TSTD2: variants seen among roughly 807,000 people sequenced by gnomAD.
TSTD2 encodes thiosulfate sulfurtransferase/rhodanese-like domain-containing protein 2.
TSTD2 carries 37 observed loss-of-function variants against 47.9 expected under a neutral mutation model. The ratio of observed to expected loss-of-function variants is 0.77; its 90% CI spans 0.59 to 1.02. TSTD2 has a LOEUF of 1.02. Ranked by LOEUF, TSTD2 falls within the 50% of genes least tolerant of loss-of-function variation. The pLI is 0.00. For missense variants in TSTD2, 586 were observed against 616.0 expected (o/e 0.95, Z 0.52); for synonymous variants, 201 against 215.9 (o/e 0.93, Z 0.61).
chr9:97,627,660 T>G, intron 1 of TSTD2, 48 bp from the exon 2 acceptor site: 1 of 1,264,582 alleles, frequency 7.9e-7, no homozygotes, highest in East Asian at 2.4e-5. Flanking sequence ...TTTGATTTCT[T>G]GAAGAAAATA....
chr9:97,610,145 G>C (rs1047733194), intron 6 of TSTD2: 1 of 420,548 alleles, frequency 2.4e-6, no homozygotes, highest in African/African-American at 2.1e-5. Context: ...AATAAGATAG[G>C]TCACTCGAAG....
At position 97,600,171 on chromosome 9, in the gene TSTD2, G is replaced by C. The variant is rs1330268142; in HGVS notation, c.*2298C>G. Reference sequence around the variant, plus strand: ...TATCATTCTTTATTAACCCTCCTTGGAATTTTGAAAACCTCGATTAAAGTT... The same window carrying C: ...TATCATTCTTTATTAACCCTCCTTGCAATTTTGAAAACCTCGATTAAAGTT... On this transcript the variant is annotated 3_prime_UTR_variant, in exon 10 of 10. Coordinates refer to ENST00000341170, the MANE Select transcript of TSTD2 (RefSeq NM_139246.5). 1.4e-5 allele frequency: 14 copies of C among 995,384 alleles called. No individual in the cohort carries two copies. The highest frequency in any genetic ancestry group is 1.6e-5 in the Non-Finnish European group (13 of 834,894). The allele number at this position is 995,384 out of a possible 1,614,324, so 61.7% of individuals were successfully genotyped here. A position where few individuals can be genotyped will look rare whatever the true frequency, so the allele number is the denominator to read the frequency against.
At chr9:97,623,632 G>A (rs1826673815) in intron 3 of TSTD2, among the ~76,000 whole-genome samples, 1 of 152,212 alleles carries the variant, frequency 6.6e-6, no homozygotes, top group Admixed American at 6.5e-5. Flanking sequence ...GCCAAGGTGA[G>A]CAGATCACCT....
intron 2 of TSTD2, 113 bp downstream of exon 2, chr9:97,627,285 A>C: frequency 2.8e-6 from 4 of 1,443,478 alleles, no homozygotes; most frequent in Non-Finnish European, 2.7e-6. Context: ...TCACTGGTTA[A>C]TGTTCCTGAC....
chr9:97,627,762 C>T (rs192224065), intron 1 of TSTD2, 150 bp from the exon 2 acceptor site: 15 of 504,426 alleles, frequency 3.0e-5, no homozygotes, highest in East Asian at 9.3e-5. Context: ...TACTTAGGAA[C>T]GACTCGAAGT....
chr9:97,623,800 T>C (rs1373795147), intron 3 of TSTD2, among the ~76,000 whole-genome samples: 1 of 151,876 alleles, frequency 6.6e-6, no homozygotes, highest in African/African-American at 2.4e-5. Context: ...GAGGTTGAAG[T>C]GAGCCAAGAT....
intron 8 of TSTD2, 72 bp from the exon 9 acceptor site, chr9:97,604,937 C>T (rs909215932): frequency 8.7e-5 from 138 of 1,579,762 alleles, no homozygotes; most frequent in Admixed American, 1.1e-4. Flanking sequence ...GGAAGAACGG[C>T]GCATGGCGAG....
intron 5 of TSTD2, 30 bp from the exon 6 acceptor site, chr9:97,610,481 G>A (rs1291062538): frequency 5.5e-6 from 8 of 1,465,962 alleles, no homozygotes; most frequent in Non-Finnish European, 6.4e-6. Flanking sequence ...ACAGAATACA[G>A]TCTTGCTGTC....
chr9:97,613,248 T>C (rs1826487524), intron 4 of TSTD2, among the ~76,000 whole-genome samples: 1 of 152,204 alleles, frequency 6.6e-6, no homozygotes, highest in Non-Finnish European at 1.5e-5. Flanking sequence ...GCTGAGGGTA[T>C]ACATGAGCAT....
chr9:97,602,621 C>T lies in TSTD2; in HGVS notation c.1399G>A (p.Val467Ile), dbSNP rs1457569070. 1.2e-6 allele frequency: 2 copies of T among 1,614,242 alleles called. No homozygotes were observed. The highest frequency in any genetic ancestry group is 3.3e-5 in the Admixed American group (2 of 60,036). ...AAGCTGTCTTGCATAGGGCCTGAAA[C>T]TTTCCTGCTCCCCTTGTCTTGACAT... ...VTCQDKGSRK[V>I]SGPMQDSFKE... Residue 467 changes from valine (V) to isoleucine (I), a missense_variant, in exon 10 of 10, where the codon GTT (valine) becomes ATT (isoleucine). Val to Ile is a conservative substitution (Grantham distance 29). Transcript: ENST00000341170.
Position 97,602,702 on chromosome 9 carries a change from G to A in TSTD2, c.1318C>T (p.Leu440Phe). The change falls in exon 10 of 10, where the codon CTC becomes TTC. Residue 440 changes from leucine to phenylalanine, a missense_variant. Coordinates refer to ENST00000341170, the MANE Select transcript of TSTD2 (RefSeq NM_139246.5). ...KLCSTPQCRQLVLTCPACQGQ... is the reference protein window; with the variant it reads ...KLCSTPQCRQFVLTCPACQGQ... ...TGACAGGCAGGGCAGGTCAAAACGA[G>A]CTGGCGGCACTGGGGAGTAGAGCAG... is the stretch of plus-strand genomic sequence containing the variant. 6.2e-7 allele frequency: 1 copy of A among 1,614,190 alleles called. No individual in the cohort carries two copies. Among genetic ancestry groups the A allele is most frequent in the Non-Finnish European group, 8.5e-7 (1 of 1,180,040 alleles).
chr9:97,612,528 T>A (rs1416594905), intron 4 of TSTD2, among the ~76,000 whole-genome samples: 2 of 152,242 alleles, frequency 1.3e-5, no homozygotes. Context: ...GACTTTTTAA[T>A]AACAGCCATT....
At chr9:97,625,622 T>A (rs1264779476) in intron 3 of TSTD2, 59 bp downstream of exon 3, 1 of 1,492,516 alleles carries the variant, frequency 6.7e-7, no homozygotes. Flanking sequence ...AATTGTAGTA[T>A]CTCATTGTGG....
In TSTD2 at chr9:97,611,622, C is replaced by G; in HGVS notation, c.681G>C (p.Met227Ile). ...KLATRLYVEVMLSFPLFKDDL... is the reference protein window; with the variant it reads ...KLATRLYVEVILSFPLFKDDL... ...CATCCTTAAACAATGGGAAGGAAAG[C>G]ATGACTTCCACATAAAGTCTGGTAG... is the stretch of plus-strand genomic sequence containing the variant. The change falls in exon 5 of 10, where the codon ATG becomes ATC. Residue 227 changes from methionine (M) to isoleucine (I), a missense_variant. By Grantham distance (10) the Met-to-Ile change is conservative. Coordinates refer to ENST00000341170, the MANE Select transcript of TSTD2 (RefSeq NM_139246.5). The G allele has an allele frequency of 1.9e-6, 3 of 1,610,528 alleles. No homozygotes were observed. The highest frequency in any genetic ancestry group is 2.5e-6 in the Non-Finnish European group (3 of 1,176,896).
chr9:97,614,272 G>A (rs567154071), intron 4 of TSTD2, among the ~76,000 whole-genome samples: 2 of 152,128 alleles, frequency 1.3e-5, no homozygotes, highest in Non-Finnish European at 2.9e-5. Context: ...TATGATCAGA[G>A]AATATTTTAG....
intron 3 of TSTD2, among the ~76,000 whole-genome samples, chr9:97,623,402 C>G (rs762551096): frequency 6.6e-6 from 1 of 152,222 alleles, no homozygotes; most frequent in Non-Finnish European, 1.5e-5. Flanking sequence ...ATGTCTTTAT[C>G]AGCATGAAAA....
At chr9:97,611,387 A>C (rs1343162523) in intron 5 of TSTD2, among the ~76,000 whole-genome samples, 187 bp downstream of exon 5, 1 of 152,054 alleles carries the variant, frequency 6.6e-6, no homozygotes, top group East Asian at 1.9e-4. Context: ...ACTGCACTCC[A>C]GCCTGGGTGA....
chr9:97,610,876 G>C (rs1404737213), intron 5 of TSTD2: 1 of 152,876 alleles, frequency 6.5e-6, no homozygotes, highest in Non-Finnish European at 1.5e-5. Context: ...ATTCCCCCAT[G>C]TGGTATGAAG....
At chr9:97,626,795 A>G (rs577618054) in intron 2 of TSTD2, among the ~76,000 whole-genome samples, 9 of 152,314 alleles carry the variant, frequency 5.9e-5, no homozygotes, top group Admixed American at 3.3e-4. Context: ...AAAATGTACC[A>G]ATTTATACTC....
Sources: allele counts gnomAD v4.1 joint callset (sites outside exome capture counted in the v4.1 genomes callset), GRCh38; gene constraint gnomAD v4.1.1; transcripts MANE v1.5; gene names NCBI Gene and HGNC (gene_info 2026-07-23, HGNC 2026-07-21).